The following PLPP4 variants were observed in gnomAD, a reference collection of about 807,000 sequenced individuals.
PLPP4 encodes the protein phospholipid phosphatase 4, also known as diacylglycerol pyrophosphate like 2.
A neutral mutation model predicts 32.2 loss-of-function variants in PLPP4; 20 were observed. The observed-to-expected ratio is 0.62, with a 90% CI of 0.44 to 0.90. PLPP4 has a LOEUF of 0.90. Among genes scored for constraint, PLPP4 ranks in the 40% least tolerant of loss-of-function variants. PLPP4 has a pLI of 0.00. For synonymous variants in PLPP4, 127 were observed against 133.0 expected (o/e 0.95, Z 0.31); for missense variants, 257 against 353.1 (o/e 0.73, Z 2.18).
In PLPP4 at chr10:120,590,958, G is replaced by A. The variant is rs143544577; in HGVS notation, c.*1456G>A. Among the ~76,000 whole-genome samples the A allele has an allele frequency of 1.3e-4, 19 of 151,932 alleles. No individual in the cohort carries two copies. The highest frequency in any genetic ancestry group is 3.6e-4 in the African/African-American group (15 of 41,426). ...TAATTTTTGTATTTTTAGTAGACAC[G>A]GGGTTTCACCACGTTGGCCAGGCTG... On this transcript the variant is annotated 3_prime_UTR_variant, in exon 7 of 7. Transcript: ENST00000398250.
At chr10:120,544,308 T>G (rs1279327152) in intron 5 of PLPP4, among the ~76,000 whole-genome samples, 1 of 152,218 alleles carries the variant, frequency 6.6e-6, no homozygotes, top group Admixed American at 6.5e-5. Context: ...CTCCCTGAGA[T>G]TTTGACAGAG....
chr10:120,511,581 T>C (rs2133885945), intron 2 of PLPP4, among the ~76,000 whole-genome samples: 1 of 152,180 alleles, frequency 6.6e-6, no homozygotes, highest in East Asian at 1.9e-4. Context: ...TTGCCTGGTC[T>C]GTATGCAGTG....
chr10:120,508,249 T>C (rs992025247), intron 2 of PLPP4, among the ~76,000 whole-genome samples: 2 of 152,186 alleles, frequency 1.3e-5, no homozygotes, highest in African/African-American at 4.8e-5. Flanking sequence ...TTAGGCTCTT[T>C]TTAAGAGTCT....
chr10:120,568,702 G>A (rs1026560259), intron 5 of PLPP4, among the ~76,000 whole-genome samples: 1 of 152,052 alleles, frequency 6.6e-6, no homozygotes, highest in Non-Finnish European at 1.5e-5. Context: ...TCTTTCTTTT[G>A]ATGGCTTATT....
intron 5 of PLPP4, among the ~76,000 whole-genome samples, chr10:120,543,975 A>G (rs911383671): frequency 6.6e-6 from 1 of 152,208 alleles, no homozygotes; most frequent in Non-Finnish European, 1.5e-5. Flanking sequence ...ATATTATTCC[A>G]CTTTATGTGT....
intron 5 of PLPP4, among the ~76,000 whole-genome samples, chr10:120,534,209 A>G (rs562233377): frequency 1.3e-5 from 2 of 151,306 alleles, no homozygotes; most frequent in African/African-American, 4.8e-5. Context: ...TATTTTGCCT[A>G]CATATTTGAA....
intron 1 of PLPP4, among the ~76,000 whole-genome samples, chr10:120,496,727 G>C (rs571721867): frequency 6.6e-6 from 1 of 152,282 alleles, no homozygotes; most frequent in East Asian, 1.9e-4. Flanking sequence ...GTTGAATGAA[G>C]AAAAATTTGG....
chr10:120,507,888 G>A (rs1815446957), intron 2 of PLPP4, among the ~76,000 whole-genome samples: 1 of 152,122 alleles, frequency 6.6e-6, no homozygotes, highest in Non-Finnish European at 1.5e-5. Context: ...CTAGGGAGGG[G>A]CACAGACATG....
At chr10:120,548,749 C>A (rs1341247786) in intron 5 of PLPP4, among the ~76,000 whole-genome samples, 1 of 151,842 alleles carries the variant, frequency 6.6e-6, no homozygotes, top group Non-Finnish European at 1.5e-5. Flanking sequence ...TATTTTTTTA[C>A]TTTTTAATAG....
intron 1 of PLPP4, among the ~76,000 whole-genome samples, chr10:120,500,368 C>T (rs1184569215): frequency 2.0e-5 from 3 of 152,086 alleles, no homozygotes; most frequent in Admixed American, 6.5e-5. Context: ...CAGTGTCAAT[C>T]GCACCCTGTG....
intron 5 of PLPP4, among the ~76,000 whole-genome samples, chr10:120,553,022 G>A (rs1279473723): frequency 6.6e-6 from 1 of 152,158 alleles, no homozygotes; most frequent in Non-Finnish European, 1.5e-5. Context: ...TGATTCTTCT[G>A]ATTCTTTGTA....
chr10:120,541,578 G>C (rs1020912151), intron 5 of PLPP4, among the ~76,000 whole-genome samples: 7 of 152,114 alleles, frequency 4.6e-5, no homozygotes, highest in African/African-American at 1.4e-4. Flanking sequence ...CTGTGAGGGG[G>C]GACATATATT....
At position 120,547,614 on chromosome 10, in the gene PLPP4, A is replaced by G. The variant is rs137960275; in HGVS notation, c.445+26519A>G. On this transcript the variant is annotated intron_variant, in intron 5 of 6. Coordinates refer to ENST00000398250, the MANE Select transcript of PLPP4 (RefSeq NM_001030059.3). Reference sequence around the variant, plus strand: ...TGTGAAACTTCTTGACCCATGTGAAAAACTGAGAGACATCCCTTTTTATCA... The same window carrying G: ...TGTGAAACTTCTTGACCCATGTGAAGAACTGAGAGACATCCCTTTTTATCA... Among the ~76,000 whole-genome samples the G allele has an allele frequency of 1.3e-3, 199 of 152,320 alleles. 3 individuals carry two copies. The highest frequency in any genetic ancestry group is 4.5e-3 in the African/African-American group (187 of 41,576).
chr10:120,533,834 C>T (rs1393177788), intron 5 of PLPP4, among the ~76,000 whole-genome samples: 1 of 152,062 alleles, frequency 6.6e-6, no homozygotes, highest in African/African-American at 2.4e-5. Flanking sequence ...CCTGTGGATT[C>T]GAGTTACCAT....
intron 5 of PLPP4, among the ~76,000 whole-genome samples, chr10:120,552,657 G>A (rs186430059): frequency 4.6e-5 from 7 of 152,292 alleles, no homozygotes; most frequent in East Asian, 3.9e-4. Flanking sequence ...CTTGACAAGC[G>A]GTTTGGCTGC....
At chr10:120,504,545 A>C (rs1769575281) in intron 2 of PLPP4, among the ~76,000 whole-genome samples, 1 of 152,262 alleles carries the variant, frequency 6.6e-6, no homozygotes, top group Admixed American at 6.5e-5. Flanking sequence ...ACTGGGCTAA[A>C]GTGTAAGAAC....
At chr10:120,575,394 A>G in intron 6 of PLPP4, 93 bp downstream of exon 6, 2 of 1,364,950 alleles carry the variant, frequency 1.5e-6, no homozygotes, top group Non-Finnish European at 2.0e-6. Flanking sequence ...TGGGGAGCTA[A>G]GTGCCCATTG....
chr10:120,496,160 A>G (rs1844955161), intron 1 of PLPP4, among the ~76,000 whole-genome samples: 1 of 152,198 alleles, frequency 6.6e-6, no homozygotes, highest in South Asian at 2.1e-4. Flanking sequence ...GTCTTAACCT[A>G]TCTTGAAAAA....
At chr10:120,529,623 G>C (rs997903380) in intron 5 of PLPP4, among the ~76,000 whole-genome samples, 2 of 152,124 alleles carry the variant, frequency 1.3e-5, no homozygotes, top group African/African-American at 2.4e-5. Context: ...GAGGTAGGAG[G>C]ACCACTTTAG....
Sources: gnomAD v4.1 joint callset for allele counts (sites outside exome capture counted in the v4.1 genomes callset) on GRCh38, gnomAD v4.1.1 for gene constraint, MANE v1.5 for transcripts, NCBI Gene and HGNC (gene_info 2026-07-23, HGNC 2026-07-21) for gene names.